The following IL12RB1 variants were observed in gnomAD, a reference collection of about 807,000 sequenced individuals.
IL12RB1 encodes interleukin 12 receptor subunit beta 1.
In IL12RB1, 64 loss-of-function variants were observed where a neutral mutation model predicts 94.4. That is an observed-to-expected ratio of 0.68 (90% CI 0.55 to 0.83). The LOEUF is 0.83. Ranked by LOEUF, IL12RB1 falls within the 40% of genes least tolerant of loss-of-function variation. The pLI is 0.00. For missense variants in IL12RB1, 814 were observed against 855.6 expected, an observed-to-expected ratio of 0.95 and a Z score of 0.61; for synonymous variants, 362 against 355.5, an observed-to-expected ratio of 1.02 and a Z score of -0.21.
intron 1 of IL12RB1, among the ~76,000 whole-genome samples, chr19:18,096,464 G>C (rs1050495911): frequency 2.6e-5 from 4 of 152,100 alleles, no homozygotes; most frequent in African/African-American, 9.7e-5. Flanking sequence ...ATTGGCACCA[G>C]GGCCAGGATT....
At chr19:18,061,280 G>C in intron 14 of IL12RB1, 83 bp from the exon 15 acceptor site, 2 of 687,188 alleles carry the variant, frequency 2.9e-6, no homozygotes, top group Non-Finnish European at 5.0e-6. Context: ...GCCCAGGCTG[G>C]AGTGCAGTGG....
At chr19:18,065,842 C>T (rs1286155678) in intron 12 of IL12RB1, among the ~76,000 whole-genome samples, 2 of 150,492 alleles carry the variant, frequency 1.3e-5, no homozygotes, top group Non-Finnish European at 3.0e-5. Flanking sequence ...AGAAAAAATC[C>T]CAGCCTGGGC....
At chr19:18,074,569 G>A (rs905652146) in intron 7 of IL12RB1, among the ~76,000 whole-genome samples, 5 of 152,106 alleles carry the variant, frequency 3.3e-5, no homozygotes, top group Non-Finnish European at 5.9e-5. Flanking sequence ...CAAACATGGC[G>A]AAACCCCATC....
At chr19:18,085,674 A>T (rs753087970) in intron 1 of IL12RB1, among the ~76,000 whole-genome samples, 1 of 152,004 alleles carries the variant, frequency 6.6e-6, no homozygotes, top group Non-Finnish European at 1.5e-5. Flanking sequence ...CAGTGCTGCA[A>T]TCTCGGCTCA....
upstream of IL12RB1, among the ~76,000 whole-genome samples, chr19:18,088,404 T>TATATATATATATATATATATAA (rs1038225227): frequency 0.022 from 3,003 of 137,332 alleles, 73 homozygotes; most frequent in African/African-American, 0.028. Flanking sequence ...TATATATATA[T>TATATATATATATATATATATAA]AAATTAAAAG....
chr19:18,059,521 A>G lies in IL12RB1; in HGVS notation c.*87T>C. The G allele has an allele frequency of 1.3e-6, 1 of 755,098 alleles. No homozygotes were observed. 46.8% of individuals were successfully genotyped at this position (755,098 alleles called of 1,614,324 possible). Reference sequence around the variant, plus strand: ...AGGCAGGTGCACTGGAGCCTGGAGGAGCTCTGGGTTATTTGGGTCCAAATG... The same window carrying G: ...AGGCAGGTGCACTGGAGCCTGGAGGGGCTCTGGGTTATTTGGGTCCAAATG... On this transcript the variant is annotated 3_prime_UTR_variant, in exon 17 of 17. Coordinates refer to ENST00000593993, the MANE Select transcript of IL12RB1 (RefSeq NM_005535.3).
chr19:18,093,211 C>T (rs755763642), intron 1 of IL12RB1, among the ~76,000 whole-genome samples: 2 of 151,784 alleles, frequency 1.3e-5, no homozygotes, highest in African/African-American at 2.4e-5. Flanking sequence ...AGGCTGAGCG[C>T]AGGAGAATTG....
At chr19:18,096,163 G>A (rs1169896150) in intron 1 of IL12RB1, among the ~76,000 whole-genome samples, 1 of 152,074 alleles carries the variant, frequency 6.6e-6, no homozygotes, top group East Asian at 1.9e-4. Context: ...GATCGCTTGA[G>A]CCCGGGAGGT....
At position 18,068,452 on chromosome 19, in the gene IL12RB1, C is replaced by T; in HGVS notation, c.1264G>A (p.Ala422Thr). The T allele has an allele frequency of 1.2e-6, 2 of 1,613,150 alleles. No homozygotes were observed. Among genetic ancestry groups the T allele is most frequent in the South Asian group, 1.1e-5 (1 of 91,056 alleles). The change falls in exon 11 of 17, where the codon GCG becomes ACG. Residue 422 changes from alanine (A) to threonine (T), a missense_variant. Coordinates refer to ENST00000593993, the MANE Select transcript of IL12RB1 (RefSeq NM_005535.3). Reference sequence around the variant, plus strand: ...CACAAGGTGAGCTTCTCGGGGTGCGCAGAGGCAAAGATGGTAATGTAGTAA... The same window carrying T: ...CACAAGGTGAGCTTCTCGGGGTGCGTAGAGGCAAAGATGGTAATGTAGTAA... ...KCYYITIFAS[A>T]HPEKLTLWST...
intron 15 of IL12RB1, among the ~76,000 whole-genome samples, chr19:18,060,585 C>T (rs17879591): frequency 0.11 from 17,159 of 152,038 alleles, 1,063 homozygotes; most frequent in East Asian, 0.25. Flanking sequence ...CCTCTTTTCA[C>T]AGATGGTGTG....
At chr19:18,071,140 A>T (rs845382) in intron 9 of IL12RB1, 51,462 of 313,746 alleles carry the variant, frequency 0.16, 4,812 homozygotes, top group Non-Finnish European at 0.21. Context: ...TGGGAGGCCA[A>T]GGCAGGTGGA....
chr19:18,069,018 G>A (rs895978071), intron 10 of IL12RB1, among the ~76,000 whole-genome samples: 1 of 147,370 alleles, frequency 6.8e-6, no homozygotes, highest in African/African-American at 2.4e-5. Context: ...CCAAAGTGCT[G>A]GGATTACAGG....
Position 18,068,393 on chromosome 19 carries a change from G to A in IL12RB1, c.1323C>T (p.Gly441=), listed in dbSNP as rs757390309. The A allele has an allele frequency of 1.2e-6, 2 of 1,608,924 alleles. No homozygotes were observed. The highest frequency in any genetic ancestry group is 1.7e-6 in the Non-Finnish European group (2 of 1,177,772). ...CTGCAGGTTTGGGTCACTTACCATT[G>A]CCCCCAAAGTGGTAGGTGGACAGGA... ...STVLSTYHFG[G]NASAAGTPHH... The change falls in exon 11 of 17, where the codon GGC becomes GGT. Residue 441 remains glycine, a synonymous_variant. Transcript: ENST00000593993.
chr19:18,087,060 G>A, upstream of IL12RB1: 2 of 793,850 alleles, frequency 2.5e-6, no homozygotes, highest in Non-Finnish European at 3.9e-6. Flanking sequence ...AGACTCTGGA[G>A]CAAGTCTGAC....
chr19:18,086,696 C>T (rs1471036590), intron 1 of IL12RB1, 64 bp downstream of exon 1: 1 of 1,520,134 alleles, frequency 6.6e-7, no homozygotes, highest in Non-Finnish European at 9.0e-7. Context: ...GCCCACAGCT[C>T]TCCACACATA....
chr19:18,066,779 C>A (rs2034614460), intron 11 of IL12RB1, 82 bp from the exon 12 acceptor site: 1 of 1,143,142 alleles, frequency 8.7e-7, no homozygotes, highest in African/African-American at 1.5e-5. Flanking sequence ...GTAATCCCAG[C>A]ACTTTGGGAG....
Position 18,075,817 on chromosome 19 carries a change from C to G in IL12RB1, c.632G>C (p.Arg211Pro), listed in dbSNP as rs773520745. ...EMNVAQEFQL[R>P]RRQLGSQGSS... ...TCCTTGGCTCCCCAGCTGCCGTCGT[C>G]GGAGCTGGAATTCCTGGGCCACATT... The change falls in exon 7 of 17, where the codon CGA becomes CCA. Residue 211 changes from arginine (R) to proline (P), a missense_variant. Transcript: ENST00000593993. 5.6e-6 allele frequency: 9 copies of G among 1,612,156 alleles called. No individual in the cohort carries two copies. The East Asian group carries it at 1.8e-4, about 32-fold the overall frequency.
intron 1 of IL12RB1, among the ~76,000 whole-genome samples, chr19:18,093,344 A>ATATATATATATATATATATATATATG (rs1224767884): frequency 9.1e-5 from 13 of 142,598 alleles, no homozygotes; most frequent in African/African-American, 2.7e-4. Context: ...ATATATATAT[A>ATATATATATATATATATATATATATG]TATACTTGTG....
intron 8 of IL12RB1, among the ~76,000 whole-genome samples, chr19:18,072,896 G>C (rs560892590): frequency 4.1e-5 from 6 of 145,702 alleles, no homozygotes; most frequent in African/African-American, 1.3e-4. Flanking sequence ...GTAGTGAGCC[G>C]AGATGGCGCC....
Sources: allele counts gnomAD v4.1 joint callset (sites outside exome capture counted in the v4.1 genomes callset), GRCh38; gene constraint gnomAD v4.1.1; transcripts MANE v1.5; gene names NCBI Gene and HGNC (gene_info 2026-07-23, HGNC 2026-07-21).